VPS54: variants seen among roughly 807,000 people sequenced by gnomAD.
The protein encoded by VPS54 is vacuolar protein sorting-associated protein 54.
In VPS54, 45 loss-of-function variants were observed where a neutral mutation model predicts 121.5. That is an observed-to-expected ratio of 0.37 (90% confidence interval 0.29 to 0.47). VPS54 has a LOEUF of 0.47. Among genes scored for constraint, VPS54 ranks in the 20% least tolerant of loss-of-function variants. The pLI is 0.99. For missense variants in VPS54, 1,090 were observed against 1,131.4 expected (o/e 0.96, Z 0.52); for synonymous variants, 371 against 385.8 (o/e 0.96, Z 0.45).
At chr2:63,921,789 G>A (rs1382021952) in intron 12 of VPS54, among the ~76,000 whole-genome samples, 1 of 150,832 alleles carries the variant, frequency 6.6e-6, no homozygotes, top group Non-Finnish European at 1.5e-5. Context: ...ATCCACAAAT[G>A]TATTTTGTCA....
intron 16 of VPS54, among the ~76,000 whole-genome samples, chr2:63,914,712 C>A (rs759723484): frequency 6.6e-5 from 10 of 151,988 alleles, no homozygotes; most frequent in Non-Finnish European, 1.5e-4. Flanking sequence ...CATAGTAGGT[C>A]CTCCATCATA....
chr2:63,930,413 C>T (rs998198308), intron 12 of VPS54, among the ~76,000 whole-genome samples: 1 of 152,106 alleles, frequency 6.6e-6, no homozygotes, highest in Admixed American at 6.5e-5. Flanking sequence ...TGACAAAAAC[C>T]ACATGATTAT....
intron 1 of VPS54, among the ~76,000 whole-genome samples, chr2:63,984,824 G>A (rs2104623005): frequency 6.6e-6 from 1 of 152,256 alleles, no homozygotes; most frequent in South Asian, 2.1e-4. Context: ...CTTTATAAAT[G>A]AAGCAATATT....
At chr2:63,965,430 C>T (rs1333164858) in intron 6 of VPS54, among the ~76,000 whole-genome samples, 1 of 152,070 alleles carries the variant, frequency 6.6e-6, no homozygotes, top group East Asian at 1.9e-4. Flanking sequence ...GAGTGGAGAT[C>T]GTGCCACTGC....
intron 1 of VPS54, among the ~76,000 whole-genome samples, chr2:64,011,996 AGTTT>A (rs1678451747): frequency 6.6e-6 from 1 of 152,362 alleles, no homozygotes; most frequent in East Asian, 1.9e-4. Flanking sequence ...ATTAAATGTT[AGTTT>A]AAGGGAAAAG....
intron 3 of VPS54, among the ~76,000 whole-genome samples, chr2:63,980,346 A>G (rs995450881): frequency 2.1e-4 from 32 of 152,040 alleles, no homozygotes; most frequent in Admixed American, 5.2e-4. Context: ...TATTCAAGGT[A>G]TGTTTCTTAT....
At chr2:63,920,277 C>T (rs1673583240) in intron 14 of VPS54, among the ~76,000 whole-genome samples, 169 bp downstream of exon 14, 1 of 152,038 alleles carries the variant, frequency 6.6e-6, no homozygotes, top group Non-Finnish European at 1.5e-5. Flanking sequence ...ATTCTAACTC[C>T]ACTTTGAAAA....
chr2:63,912,729 T>A, intron 18 of VPS54, 68 bp from the exon 19 acceptor site: 1 of 1,507,634 alleles, frequency 6.6e-7, no homozygotes, highest in Non-Finnish European at 8.8e-7. Context: ...TGATTTTAAT[T>A]ACAAATCAAA....
intron 11 of VPS54, among the ~76,000 whole-genome samples, chr2:63,936,655 A>G (rs886913660): frequency 6.6e-6 from 1 of 152,324 alleles, no homozygotes; most frequent in East Asian, 1.9e-4. Context: ...ACCTATAAAA[A>G]TTAGCCTAAT....
intron 3 of VPS54, chr2:63,974,993 C>CTGT (rs1676458129): frequency 6.5e-7 from 1 of 1,549,628 alleles, no homozygotes; most frequent in African/African-American, 1.4e-5. Flanking sequence ...TACCTTGATC[C>CTGT]TGTTCTTAGT....
At chr2:64,012,813 G>A (rs564521792) in intron 1 of VPS54, among the ~76,000 whole-genome samples, 9 of 151,826 alleles carry the variant, frequency 5.9e-5, no homozygotes, top group Non-Finnish European at 1.3e-4. Context: ...TCTCTTTTTG[G>A]TCTACTTCCT....
intron 20 of VPS54, among the ~76,000 whole-genome samples, chr2:63,906,542 T>G (rs550615389): frequency 6.6e-6 from 1 of 152,256 alleles, no homozygotes; most frequent in East Asian, 1.9e-4. Context: ...GGTCCAGTGG[T>G]GTGTGGTAAA....
intron 12 of VPS54, among the ~76,000 whole-genome samples, chr2:63,927,650 C>T (rs910411467): frequency 1.1e-4 from 17 of 152,124 alleles, no homozygotes; most frequent in African/African-American, 2.7e-4. Context: ...CAAAACTGGA[C>T]GGAGAATGAG....
chr2:64,012,057 T>C (rs1390883760), intron 1 of VPS54, among the ~76,000 whole-genome samples: 1 of 152,146 alleles, frequency 6.6e-6, no homozygotes, highest in East Asian at 1.9e-4. Context: ...AACAATAAAT[T>C]AGTATTTTAA....
chr2:64,009,738 C>T (rs993024416), intron 1 of VPS54, among the ~76,000 whole-genome samples: 24 of 152,096 alleles, frequency 1.6e-4, no homozygotes, highest in African/African-American at 5.8e-4. Context: ...AGTTTGAGCC[C>T]AAGAAGTTGA....
intron 1 of VPS54, among the ~76,000 whole-genome samples, chr2:63,987,552 T>C (rs115114913): frequency 0.012 from 1,869 of 152,338 alleles, 17 homozygotes; most frequent in Non-Finnish European, 0.015. Flanking sequence ...GTTTTTTCTA[T>C]TTCTCTGAAG....
At chr2:63,953,231 A>G (rs948720611) in intron 7 of VPS54, among the ~76,000 whole-genome samples, 1 of 150,408 alleles carries the variant, frequency 6.6e-6, no homozygotes, top group Non-Finnish European at 1.5e-5. Context: ...TCCCAGGTTC[A>G]AGCAATTCTC....
At chr2:64,008,765 A>G (rs1678288225) in intron 1 of VPS54, among the ~76,000 whole-genome samples, 1 of 152,138 alleles carries the variant, frequency 6.6e-6, no homozygotes, top group Non-Finnish European at 1.5e-5. Context: ...CTATCAATGA[A>G]AGAAGGAAGG....
Position 63,996,484 on chromosome 2 carries a change from G to C in VPS54, c.-20-12465C>G, listed in dbSNP as rs151023741. Among the ~76,000 whole-genome samples the C allele has an allele frequency of 4.9e-3, 743 of 152,162 alleles. 10 individuals carry two copies. The highest frequency in any genetic ancestry group is 0.017 in the African/African-American group (690 of 41,506). On this transcript the variant is annotated intron_variant, in intron 1 of 22. Coordinates refer to ENST00000272322, the MANE Select transcript of VPS54 (RefSeq NM_016516.3). The stretch of plus-strand genomic sequence containing the variant: ...TGTGTTCGAACAATATGAAATCTGG[G>C]CACCTTGAAAAAAGAACAGGATAAC...
Sources: allele counts gnomAD v4.1 joint callset (sites outside exome capture counted in the v4.1 genomes callset), GRCh38; gene constraint gnomAD v4.1.1; transcripts MANE v1.5; gene names NCBI Gene and HGNC (gene_info 2026-07-23, HGNC 2026-07-21).